The following ZDHHC14 variants were observed in gnomAD, a reference collection of about 807,000 sequenced individuals.
The protein encoded by ZDHHC14 is palmitoyltransferase ZDHHC14.
A neutral mutation model predicts 47.7 loss-of-function variants in ZDHHC14; 16 were observed. The ratio of observed to expected loss-of-function variants is 0.34; its 90% CI spans 0.23 to 0.51. ZDHHC14 has a LOEUF of 0.51. Among genes scored for constraint, ZDHHC14 ranks in the 20% least tolerant of loss-of-function variants. The probability of loss-of-function intolerance (pLI) is 0.97; values close to 1 mark genes in which losing one functional copy is unlikely to be tolerated. For synonymous variants in ZDHHC14, 293 were observed against 278.9 expected, an observed-to-expected ratio of 1.05 and a Z score of -0.50; for missense variants, 515 against 662.5, an observed-to-expected ratio of 0.78 and a Z score of 2.44.
intron 1 of ZDHHC14, among the ~76,000 whole-genome samples, chr6:157,439,470 C>T (rs1215224399): frequency 5.3e-5 from 8 of 152,122 alleles, no homozygotes; most frequent in South Asian, 2.1e-4. Context: ...TACCATCTCA[C>T]ACCAGTCAGA....
chr6:157,635,655 T>G (rs919614739), intron 5 of ZDHHC14, among the ~76,000 whole-genome samples: 2 of 151,998 alleles, frequency 1.3e-5, no homozygotes, highest in African/African-American at 4.8e-5. Flanking sequence ...GTCTGCACGC[T>G]GCATGGTGTG....
intron 1 of ZDHHC14, among the ~76,000 whole-genome samples, chr6:157,540,935 A>ATATATATATATATAT (rs1781737273): frequency 1.0e-5 from 1 of 97,070 alleles, no homozygotes; most frequent in Non-Finnish European, 1.9e-5. Flanking sequence ...TATATATATA[A>ATATATATATATATAT]TTTCATACCA....
At chr6:157,466,717 A>G (rs1415174744) in intron 1 of ZDHHC14, among the ~76,000 whole-genome samples, 1 of 152,014 alleles carries the variant, frequency 6.6e-6, no homozygotes, top group African/African-American at 2.4e-5. Flanking sequence ...AGGCACCTGT[A>G]ATTCCAGCTA....
At chr6:157,511,778 C>T (rs1340806564) in intron 1 of ZDHHC14, among the ~76,000 whole-genome samples, 3 of 152,132 alleles carry the variant, frequency 2.0e-5, no homozygotes, top group African/African-American at 4.8e-5. Flanking sequence ...AATGCATGTG[C>T]TCTATCTCTG....
rs550480111 is a variant in ZDHHC14, at chr6:157,542,367, G to T, written c.246-218G>T. Among the ~76,000 whole-genome samples the T allele has an allele frequency of 3.3e-5, 5 of 152,284 alleles. No homozygotes were observed. The East Asian group carries it at 9.6e-4, about 29-fold the overall frequency. On this transcript the variant is annotated intron_variant, in intron 1 of 8. Transcript: ENST00000359775. ...TCCTGTAAGAGCAGAGGGCTTGGGC[G>T]TCATACTGGGGAGTGGGGGTTCAAT...
At chr6:157,592,361 A>T (rs1481622677) in intron 2 of ZDHHC14, among the ~76,000 whole-genome samples, 2 of 152,196 alleles carry the variant, frequency 1.3e-5, no homozygotes, top group Non-Finnish European at 2.9e-5. Flanking sequence ...ATGATTTTTT[A>T]AAATGTATTT....
At chr6:157,415,960 T>C (rs938866990) in intron 1 of ZDHHC14, among the ~76,000 whole-genome samples, 3 of 151,958 alleles carry the variant, frequency 2.0e-5, no homozygotes, top group Admixed American at 6.6e-5. Context: ...AAAGACAGCA[T>C]ATTCACTCAG....
intron 2 of ZDHHC14, among the ~76,000 whole-genome samples, chr6:157,567,127 C>A (rs899393371): frequency 6.6e-6 from 1 of 152,108 alleles, no homozygotes. Context: ...GCTGAGATTA[C>A]ACGCGTGACC....
chr6:157,385,764 C>G (rs1266440485), intron 1 of ZDHHC14, among the ~76,000 whole-genome samples: 1 of 152,250 alleles, frequency 6.6e-6, no homozygotes, highest in Admixed American at 6.5e-5. Context: ...GGCTGCAAAG[C>G]CAGTGCTCTT....
intron 4 of ZDHHC14, 133 bp from the exon 5 acceptor site, chr6:157,632,701 G>T: frequency 1.2e-6 from 1 of 865,984 alleles, no homozygotes; most frequent in South Asian, 1.5e-5. Flanking sequence ...TCGGTAAACT[G>T]GGTGTCGTAG....
intron 3 of ZDHHC14, among the ~76,000 whole-genome samples, chr6:157,621,616 C>A (rs1249701917): frequency 4.6e-5 from 7 of 152,148 alleles, no homozygotes; most frequent in Non-Finnish European, 5.9e-5. Context: ...TCTCCATTAC[C>A]CATGCCTGGC....
At chr6:157,450,256 C>T (rs191017884) in intron 1 of ZDHHC14, among the ~76,000 whole-genome samples, 27 of 151,848 alleles carry the variant, frequency 1.8e-4, no homozygotes, top group African/African-American at 5.8e-4. Context: ...TTGAGACACA[C>T]GGTAACACCT....
At chr6:157,413,588 T>C (rs567831849) in intron 1 of ZDHHC14, among the ~76,000 whole-genome samples, 30 of 152,062 alleles carry the variant, frequency 2.0e-4, no homozygotes, top group African/African-American at 6.3e-4. Flanking sequence ...TTCCTTCCTT[T>C]CTTTTTTTTT....
intron 1 of ZDHHC14, among the ~76,000 whole-genome samples, chr6:157,387,227 C>T (rs1777329374): frequency 6.7e-6 from 1 of 150,012 alleles, no homozygotes; most frequent in East Asian, 1.9e-4. Context: ...TAGCTAATTC[C>T]TCTGAAAAAA....
At position 157,421,647 on chromosome 6, in the gene ZDHHC14, G is replaced by A. The variant is rs371038858; in HGVS notation, c.245+39381G>A. Among the ~76,000 whole-genome samples the A allele has an allele frequency of 4.5e-4, 68 of 151,614 alleles. 1 individual carries two copies. In the Middle Eastern group the frequency reaches 0.024, roughly 54 times the overall value. On this transcript the variant is annotated intron_variant, in intron 1 of 8. Coordinates refer to ENST00000359775, the MANE Select transcript of ZDHHC14 (RefSeq NM_024630.3). ...TTTTGAGACAGAGTCTTGCTCTGTC[G>A]CCCAGGCTGGAATGCAGTGGCACAA... is the stretch of plus-strand genomic sequence containing the variant.
chr6:157,452,863 C>T (rs1202195292), intron 1 of ZDHHC14, among the ~76,000 whole-genome samples: 8 of 151,808 alleles, frequency 5.3e-5, no homozygotes, highest in African/African-American at 1.9e-4. Flanking sequence ...CCACCACACC[C>T]GGCTAATTTT....
chr6:157,581,362 G>A (rs946667388), intron 2 of ZDHHC14, among the ~76,000 whole-genome samples: 3 of 151,546 alleles, frequency 2.0e-5, no homozygotes, highest in African/African-American at 7.3e-5. Context: ...TTAAGAGTAC[G>A]TGCTATGTGG....
chr6:157,503,598 T>G (rs1345630580), intron 1 of ZDHHC14, among the ~76,000 whole-genome samples: 1 of 152,166 alleles, frequency 6.6e-6, no homozygotes, highest in Non-Finnish European at 1.5e-5. Context: ...TCCTGATGTG[T>G]CTTGATTTTC....
rs1344718277 is a variant in ZDHHC14, at chr6:157,647,318, A to G, written c.915A>G (p.Gly305=). 4 of 1,614,206 alleles carry G rather than the reference A, an allele frequency of 2.5e-6. No individual in the cohort carries two copies. Among genetic ancestry groups the G allele is most frequent in the Non-Finnish European group, 2.5e-6 (3 of 1,180,034 alleles). ...AAAATTACAATCCCTACAGCTACGGAAATATCTTTACCAACTGCTGTGTTG... is the reference window on the plus strand; with the variant it reads ...AAAATTACAATCCCTACAGCTACGGGAATATCTTTACCAACTGCTGTGTTG... ...GKENYNPYSY[G]NIFTNCCVAL... is the part of the protein sequence containing the mutation. Residue 305 remains glycine (G), a synonymous_variant, in exon 7 of 9, where the codon GGA becomes GGG. Coordinates refer to ENST00000359775, the MANE Select transcript of ZDHHC14 (RefSeq NM_024630.3).
Sources: gnomAD v4.1 joint callset for allele counts (sites outside exome capture counted in the v4.1 genomes callset) on GRCh38, gnomAD v4.1.1 for gene constraint, MANE v1.5 for transcripts, NCBI Gene and HGNC (gene_info 2026-07-23, HGNC 2026-07-21) for gene names.